The following PSMG2 variants were observed in gnomAD, a reference collection of about 807,000 sequenced individuals.
PSMG2 encodes the protein CD40 ligand-activated specific transcript 3.
PSMG2 carries 21 observed loss-of-function variants against 31.5 expected under a neutral mutation model. The observed-to-expected ratio is 0.67, with a 90% CI of 0.47 to 0.96. The LOEUF (loss-of-function observed/expected upper bound fraction) is 0.96. Among genes scored for constraint, PSMG2 ranks in the 40% least tolerant of loss-of-function variants. PSMG2 has a pLI of 0.00. For missense variants in PSMG2, 318 were observed against 321.2 expected (o/e 0.99, Z 0.08); for synonymous variants, 120 against 110.4 (o/e 1.09, Z -0.54).
intron 1 of PSMG2, among the ~76,000 whole-genome samples, chr18:12,669,057 T>TTTTTG: frequency 2.3e-5 from 3 of 128,734 alleles, no homozygotes; most frequent in Admixed American, 8.4e-5. Flanking sequence ...TTTTTTTTTT[T>TTTTTG]TGAGACAGAG....
intron 1 of PSMG2, chr18:12,680,752 C>T (rs2039318481): frequency 6.2e-7 from 1 of 1,613,506 alleles, no homozygotes; most frequent in Admixed American, 1.7e-5. Context: ...TGCCTTGGTC[C>T]CAACACAAAC....
chr18:12,697,259 C>T, intron 1 of PSMG2: 2 of 1,613,794 alleles, frequency 1.2e-6, no homozygotes, highest in Non-Finnish European at 1.7e-6. Flanking sequence ...CTGGTCACTC[C>T]ATTTTCTGAG....
intron 1 of PSMG2, among the ~76,000 whole-genome samples, chr18:12,703,757 G>A (rs1319779806): frequency 1.3e-5 from 2 of 152,202 alleles, no homozygotes; most frequent in African/African-American, 4.8e-5. Flanking sequence ...AAGGTCCTGA[G>A]ATAATTGGGA....
intron 1 of PSMG2, among the ~76,000 whole-genome samples, chr18:12,667,038 C>T (rs377753195): frequency 6.6e-6 from 1 of 151,556 alleles, no homozygotes; most frequent in Non-Finnish European, 1.5e-5. Context: ...AACAACCAAA[C>T]AAAAATAAGA....
chr18:12,691,497 G>GA, intron 1 of PSMG2: 3 of 1,569,514 alleles, frequency 1.9e-6, no homozygotes, highest in South Asian at 1.2e-5. Context: ...GCTTGAAATT[G>GA]AAAAAAATAT....
At chr18:12,661,852 T>C (rs2038699619) in intron 1 of PSMG2, 1 of 159,324 alleles carries the variant, frequency 6.3e-6, no homozygotes, top group Admixed American at 6.3e-5. Context: ...AGTCATTGAT[T>C]GTATTTTTAC....
At chr18:12,698,940 AT>A, upstream of PSMG2, 1 of 1,365,370 alleles carries the variant, frequency 7.3e-7, no homozygotes, top group Non-Finnish European at 1.0e-6. Context: ...CATAACAAAG[AT>A]TTACTCAATT....
chr18:12,675,740 C>T (rs2039102557), intron 1 of PSMG2, among the ~76,000 whole-genome samples: 1 of 152,004 alleles, frequency 6.6e-6, no homozygotes. Context: ...GCGATCTCGG[C>T]TCACTGCAAC....
At chr18:12,664,720 A>G (rs2038770741) in intron 1 of PSMG2, among the ~76,000 whole-genome samples, 1 of 143,834 alleles carries the variant, frequency 7.0e-6, no homozygotes, top group African/African-American at 2.6e-5. Flanking sequence ...TTTTTTTAAG[A>G]CGGGGTCTTG....
chr18:12,686,141 C>G (rs1011053643), intron 1 of PSMG2: 1 of 644,536 alleles, frequency 1.6e-6, no homozygotes, highest in Non-Finnish European at 2.4e-6. Flanking sequence ...AGATACAGAA[C>G]CTGTGGGTAC....
At position 12,687,881 on chromosome 18, in the gene PSMG2, T is replaced by C. The variant is rs972749603; in HGVS notation, c.-36-18669T>C. Among the ~76,000 whole-genome samples the C allele has an allele frequency of 4.6e-5, 7 of 152,112 alleles. No individual in the cohort carries two copies. In the East Asian group the frequency reaches 1.2e-3, roughly 25 times the overall value. ...AGTGTGGTATAAGAATACTAAGTCCTGAAATCACAAACTAAATATTAAAAG... is the reference window on the plus strand; with the variant it reads ...AGTGTGGTATAAGAATACTAAGTCCCGAAATCACAAACTAAATATTAAAAG... On this transcript the variant is annotated intron_variant, in intron 1 of 6. Coordinates refer to the PSMG2 transcript ENST00000585331.
Position 12,703,179 on chromosome 18 carries a change from G to A in PSMG2, c.57+15G>A, listed in dbSNP as rs2145127456. The A allele has an allele frequency of 6.2e-7, 1 of 1,602,534 alleles. No homozygotes were observed. Among genetic ancestry groups the A allele is most frequent in the Admixed American group, 1.7e-5 (1 of 58,604 alleles). ...CCCTCCTAATGGTGAGTCTCCATTT[G>A]CGCTCGGGGCTGCCGCCTCCCGAGG... On this transcript the variant is annotated intron_variant, in intron 1 of 6. Coordinates refer to ENST00000317615, the MANE Select transcript of PSMG2 (RefSeq NM_020232.5).
intron 1 of PSMG2, chr18:12,680,897 A>C: frequency 1.5e-6 from 2 of 1,349,730 alleles, no homozygotes; most frequent in Non-Finnish European, 2.0e-6. Flanking sequence ...TTAAATACTA[A>C]ATTATAATAA....
chr18:12,697,235 G>T (rs1260778957), intron 1 of PSMG2: 2 of 1,612,332 alleles, frequency 1.2e-6, no homozygotes, highest in South Asian at 2.2e-5. Context: ...ACACCCATAA[G>T]TTCCACAGTC....
chr18:12,712,814 G>A, intron 3 of PSMG2, 54 bp downstream of exon 3: 1 of 1,365,652 alleles, frequency 7.3e-7, no homozygotes, highest in Non-Finnish European at 1.0e-6. Context: ...GAGAAAATAA[G>A]TAACATTAGG....
Position 12,670,942 on chromosome 18 carries a change from C to T in PSMG2, c.-37+12169C>T, listed in dbSNP as rs183019859. 173 of 152,138 alleles carry T rather than the reference C, an allele frequency of 1.1e-3. 1 individual carries two copies. The highest frequency in any genetic ancestry group is 3.8e-3 in the African/African-American group (157 of 41,506). The allele number at this position is 152,138 out of a possible 1,614,324, so 9.4% of individuals were successfully genotyped here. A position where few individuals can be genotyped will look rare whatever the true frequency, so the allele number is the denominator to read the frequency against. On this transcript the variant is annotated intron_variant, in intron 1 of 6. Coordinates refer to the PSMG2 transcript ENST00000585331. ...GGAATTATAGGTGTGAACCACTATGCTTTAAAAAAAGCTTCAATTATTATT... is the reference window on the plus strand; with the variant it reads ...GGAATTATAGGTGTGAACCACTATGTTTTAAAAAAAGCTTCAATTATTATT...
At chr18:12,701,555 T>C (rs562337924), upstream of PSMG2, among the ~76,000 whole-genome samples, 1 of 152,216 alleles carries the variant, frequency 6.6e-6, no homozygotes, top group East Asian at 1.9e-4. Flanking sequence ...AAAAACCTAG[T>C]GTAGTGCCCT....
At chr18:12,697,512 C>T (rs947371510) in intron 1 of PSMG2, 4 of 767,226 alleles carry the variant, frequency 5.2e-6, no homozygotes, top group Non-Finnish European at 7.8e-6. Context: ...TATATAAAAC[C>T]AAAGAGAACA....
At chr18:12,713,339 A>G (rs1386031349) in intron 3 of PSMG2, among the ~76,000 whole-genome samples, 3 of 152,126 alleles carry the variant, frequency 2.0e-5, no homozygotes, top group East Asian at 3.8e-4. Context: ...GCACTGTGAC[A>G]CCAGGTTTTT....
Sources: allele counts gnomAD v4.1 joint callset (sites outside exome capture counted in the v4.1 genomes callset), GRCh38; gene constraint gnomAD v4.1.1; transcripts MANE v1.5; gene names NCBI Gene and HGNC (gene_info 2026-07-23, HGNC 2026-07-21).